MYLK: variants seen among roughly 807,000 people sequenced by gnomAD.
The protein encoded by MYLK is myosin light chain kinase, smooth muscle.
Under a neutral mutation model 203.4 loss-of-function variants are expected in MYLK, and 106 were observed. The ratio of observed to expected loss-of-function variants is 0.52; its 90% confidence interval spans 0.45 to 0.61. The LOEUF (loss-of-function observed/expected upper bound fraction) is 0.61. Among genes scored for constraint, MYLK ranks in the 20% least tolerant of loss-of-function variants. MYLK has a pLI of 0.00. For synonymous variants in MYLK, 867 were observed against 959.5 expected (o/e 0.90, Z 1.78); for missense variants, 2,072 against 2,442.3 (o/e 0.85, Z 3.20).
chr3:123,787,212 T>G (rs1265462711), intron 4 of MYLK, among the ~76,000 whole-genome samples: 1 of 152,140 alleles, frequency 6.6e-6, no homozygotes, highest in African/African-American at 2.4e-5. Context: ...ATTAGGAAAG[T>G]AGCCTGAAGG....
chr3:123,843,826 TTC>T (rs2066649489), intron 2 of MYLK, among the ~76,000 whole-genome samples: 2 of 152,154 alleles, frequency 1.3e-5, no homozygotes, highest in Admixed American at 6.5e-5. Context: ...ACATGGTGTT[TTC>T]TGTTTTTTAA....
Position 123,676,355 on chromosome 3 carries a change from A to G in MYLK, c.3652+5869T>C, listed in dbSNP as rs116547151. Among the ~76,000 whole-genome samples the G allele has an allele frequency of 8.6e-3, 1,315 of 152,336 alleles. 10 individuals are homozygous for G. Among genetic ancestry groups the G allele is most frequent in the Non-Finnish European group, 0.015 (1,052 of 68,016 alleles). On this transcript the variant is annotated intron_variant, in intron 20 of 33. Coordinates refer to ENST00000360304, the MANE Select transcript of MYLK (RefSeq NM_053025.4). ...CCAGGGCCCCACATCTTTCACTGTC[A>G]GGCAAGTCTTGATGCCAAATCCCAA...
At chr3:123,805,529 A>T (rs969306583) in intron 3 of MYLK, among the ~76,000 whole-genome samples, 1 of 152,186 alleles carries the variant, frequency 6.6e-6, no homozygotes, top group African/African-American at 2.4e-5. Context: ...GGCTGCCTCA[A>T]CTAAAGAGAG....
chr3:123,763,128 A>C (rs1476431119), intron 4 of MYLK, among the ~76,000 whole-genome samples: 1 of 152,182 alleles, frequency 6.6e-6, no homozygotes, highest in Non-Finnish European at 1.5e-5. Flanking sequence ...TATTACAATA[A>C]ATATCTTGAA....
chr3:123,816,635 A>G (rs73857525), intron 3 of MYLK, among the ~76,000 whole-genome samples: 41 of 152,368 alleles, frequency 2.7e-4, no homozygotes, highest in African/African-American at 9.9e-4. Context: ...GAGAGGGAAA[A>G]AAAACTAGAC....
At chr3:123,705,197 C>T (rs1214151308) in intron 16 of MYLK, among the ~76,000 whole-genome samples, 4 of 152,016 alleles carry the variant, frequency 2.6e-5, no homozygotes, top group East Asian at 1.9e-4. Flanking sequence ...CCCTGCTCTA[C>T]GTCTAGGTTG....
At chr3:123,661,902 T>C (rs2059576373) in intron 23 of MYLK, among the ~76,000 whole-genome samples, 1 of 152,096 alleles carries the variant, frequency 6.6e-6, no homozygotes, top group African/African-American at 2.4e-5. Context: ...GAACCTGTGG[T>C]CTGTTCTGGT....
At chr3:123,677,836 G>A (rs768940754) in intron 20 of MYLK, among the ~76,000 whole-genome samples, 4 of 139,728 alleles carry the variant, frequency 2.9e-5, no homozygotes, top group South Asian at 2.3e-4. Flanking sequence ...TCTCCAATTT[G>A]GCCTAAAATG....
intron 4 of MYLK, among the ~76,000 whole-genome samples, chr3:123,757,518 G>C (rs963612301): frequency 2.8e-4 from 42 of 152,288 alleles, no homozygotes; most frequent in African/African-American, 9.9e-4. Context: ...GCCCACATCA[G>C]GGATGGAGGA....
At chr3:123,620,142 C>G in intron 32 of MYLK, 65 bp downstream of exon 32, 1 of 1,409,668 alleles carries the variant, frequency 7.1e-7, no homozygotes, top group Non-Finnish European at 1.0e-6. Flanking sequence ...ACCAAAACCT[C>G]AAAATGCCCC....
chr3:123,762,282 T>C (rs2063560797), intron 4 of MYLK, among the ~76,000 whole-genome samples: 1 of 152,074 alleles, frequency 6.6e-6, no homozygotes, highest in Non-Finnish European at 1.5e-5. Flanking sequence ...TAGGCTGAAG[T>C]GCAGTGGCAG....
chr3:123,614,870 G>A (rs962595643), intron 33 of MYLK, among the ~76,000 whole-genome samples: 1 of 151,748 alleles, frequency 6.6e-6, no homozygotes, highest in African/African-American at 2.4e-5. Context: ...GCAGTGGCAT[G>A]AACATGGCTC....
At chr3:123,753,888 T>C (rs1320107491) in intron 4 of MYLK, among the ~76,000 whole-genome samples, 1 of 152,204 alleles carries the variant, frequency 6.6e-6, no homozygotes, top group East Asian at 1.9e-4. Context: ...AAAGAGAGAA[T>C]GGATACGGAT....
Position 123,752,459 on chromosome 3 carries a change from T to C in MYLK, c.245A>G (p.Asp82Gly), listed in dbSNP as rs145163155. The change falls in exon 5 of 34, where the codon GAT becomes GGT. Residue 82 changes from aspartate to glycine, a missense_variant. Asp to Gly is a moderately conservative substitution (Grantham distance 94). Around this residue, in one of 3 missense-constraint regions of MYLK, gnomAD observed 683 missense variants for 643.8 expected, o/e 1.06. Transcript: ENST00000360304. ...PITSGGRFLL[D>G]CGIRGTFSLV... ...GCTGAAAGTCCCCCGGATGCCGCAA[T>C]CCAGCAGGAAGCGGCCCCCGCTGGT... 8.7e-6 allele frequency: 14 copies of C among 1,614,068 alleles called. No homozygotes were observed. In the African/African-American group the frequency reaches 1.9e-4, roughly 22 times the overall value.
intron 26 of MYLK, 122 bp from the exon 27 acceptor site, chr3:123,647,549 ACTGGAGCACAGCC>A (rs1381436335): frequency 8.5e-6 from 7 of 825,928 alleles, no homozygotes; most frequent in Non-Finnish European, 1.2e-5. Flanking sequence ...GTAAGGTGTT[ACTGGAGCACAGCC>A]CTGCCTGGCT....
At chr3:123,615,909 A>C (rs1182772019) in intron 33 of MYLK, among the ~76,000 whole-genome samples, 1 of 152,240 alleles carries the variant, frequency 6.6e-6, no homozygotes, top group African/African-American at 2.4e-5. Context: ...TTGGCCTTCC[A>C]AAGTGTTGGG....
intron 27 of MYLK, among the ~76,000 whole-genome samples, chr3:123,643,826 A>G (rs568338757): frequency 1.7e-4 from 26 of 152,374 alleles, no homozygotes; most frequent in African/African-American, 5.3e-4. Context: ...TCCTTGCCCT[A>G]TGGCAGCCAG....
chr3:123,632,899 G>A (rs1467998537), intron 29 of MYLK, among the ~76,000 whole-genome samples: 2 of 150,286 alleles, frequency 1.3e-5, no homozygotes, highest in African/African-American at 5.0e-5. Context: ...TGGCTCAAGC[G>A]ATCCTTCCAC....
At chr3:123,721,597 G>T (rs2062088941) in intron 13 of MYLK, among the ~76,000 whole-genome samples, 1 of 151,982 alleles carries the variant, frequency 6.6e-6, no homozygotes, top group Non-Finnish European at 1.5e-5. Flanking sequence ...GGCAGAAAGG[G>T]GACAACCTGT....
Sources: allele counts gnomAD v4.1 joint callset (sites outside exome capture counted in the v4.1 genomes callset), GRCh38; gene constraint gnomAD v4.1.1; regional missense constraint gnomAD v4.1.1; transcripts MANE v1.5; gene names NCBI Gene and HGNC (gene_info 2026-07-23, HGNC 2026-07-21).